Variants in UBE2V2 observed in about 807,000 individuals in gnomAD.
The protein encoded by UBE2V2 is ubiquitin-conjugating enzyme E2 variant 2.
Under a neutral mutation model 17.2 loss-of-function variants are expected in UBE2V2, and 9 were observed. The ratio of observed to expected loss-of-function variants is 0.52; its 90% CI spans 0.32 to 0.91. The LOEUF (loss-of-function observed/expected upper bound fraction) is 0.91. Among genes scored for constraint, UBE2V2 ranks in the 40% least tolerant of loss-of-function variants. The pLI, the probability that UBE2V2 is intolerant of heterozygous loss-of-function variation, is 0.04. For synonymous variants in UBE2V2, 61 were observed against 57.5 expected (o/e 1.06, Z -0.28); for missense variants, 133 against 182.6 (o/e 0.73, Z 1.56).
chr8:48,004,974 C>G (rs573440732), upstream of UBE2V2, among the ~76,000 whole-genome samples: 1 of 151,258 alleles, frequency 6.6e-6, no homozygotes, highest in Non-Finnish European at 1.5e-5. Context: ...GCTACAGGCA[C>G]GAACCAGAAT....
At chr8:48,046,397 C>T (rs1030697036) in intron 2 of UBE2V2, among the ~76,000 whole-genome samples, 3 of 152,056 alleles carry the variant, frequency 2.0e-5, no homozygotes, top group Admixed American at 1.3e-4. Context: ...GGATTACAGG[C>T]GTGAGCCACC....
At position 48,022,946 on chromosome 8, in the gene UBE2V2, A is replaced by T. The variant is rs111249615; in HGVS notation, c.16+14476A>T. On this transcript the variant is annotated intron_variant, in intron 1 of 3. Coordinates refer to ENST00000523111, the MANE Select transcript of UBE2V2 (RefSeq NM_003350.3). ...GAGCCCAGCCCCTGCGAGCGCTTTA[A>T]ATGTATCATCTCACTCTCCCCTGGC... 1.5e-3 allele frequency among the ~76,000 whole-genome samples: 231 copies of T among 151,604 alleles called. 1 individual carries two copies. The highest frequency in any genetic ancestry group is 2.8e-3 in the Non-Finnish European group (192 of 67,882).
chr8:48,035,385 T>A (rs2091415547), intron 1 of UBE2V2, among the ~76,000 whole-genome samples: 1 of 151,824 alleles, frequency 6.6e-6, no homozygotes, highest in Non-Finnish European at 1.5e-5. Context: ...CCTCCCAAAG[T>A]GCTGGGATTA....
In UBE2V2 at chr8:48,058,633, T is replaced by C. The variant is rs548972077; in HGVS notation, c.292-2049T>C. On this transcript the variant is annotated intron_variant, in intron 3 of 3. Coordinates refer to ENST00000523111, the MANE Select transcript of UBE2V2 (RefSeq NM_003350.3). ...GATGAGAATGGACATCCTTATCTTA[T>C]TCTTCATCTTAGGAGGAAAGTATTT... Among the ~76,000 whole-genome samples, 8 of 152,052 alleles carry C rather than the reference T, an allele frequency of 5.3e-5. No homozygotes were observed. The South Asian group carries it at 1.5e-3, about 28-fold the overall frequency.
chr8:48,006,171 A>T (rs961122233), upstream of UBE2V2, among the ~76,000 whole-genome samples: 6 of 152,178 alleles, frequency 3.9e-5, no homozygotes, highest in African/African-American at 1.4e-4. Flanking sequence ...TCTTTAATCC[A>T]TCTTGAGTTA....
At chr8:48,038,990 G>A (rs1358906470) in intron 1 of UBE2V2, among the ~76,000 whole-genome samples, 3 of 149,840 alleles carry the variant, frequency 2.0e-5, no homozygotes, top group South Asian at 2.1e-4. Flanking sequence ...GTGCAGTGGC[G>A]TGATCCCAGC....
chr8:48,026,415 T>A (rs1257351258), intron 1 of UBE2V2, among the ~76,000 whole-genome samples: 1 of 152,224 alleles, frequency 6.6e-6, no homozygotes, highest in Non-Finnish European at 1.5e-5. Context: ...AGCTGTTGTT[T>A]CAAGACAACT....
chr8:48,051,866 G>A (rs1175974492), intron 3 of UBE2V2, among the ~76,000 whole-genome samples: 3 of 152,130 alleles, frequency 2.0e-5, no homozygotes, highest in Non-Finnish European at 4.4e-5. Flanking sequence ...CCCTGCACCT[G>A]CTGGGCCATT....
chr8:48,053,672 C>T (rs540274906), intron 3 of UBE2V2, among the ~76,000 whole-genome samples: 9 of 151,800 alleles, frequency 5.9e-5, no homozygotes, highest in African/African-American at 9.7e-5. Flanking sequence ...ATGATCCGCC[C>T]GCCTCGGCCT....
In UBE2V2 at chr8:48,017,203, T is replaced by C. The variant is rs200041496; in HGVS notation, c.16+8733T>C. Among the ~76,000 whole-genome samples the C allele has an allele frequency of 2.6e-5, 4 of 152,304 alleles. No individual in the cohort carries two copies. In the East Asian group the frequency reaches 7.7e-4, roughly 29 times the overall value. On this transcript the variant is annotated intron_variant, in intron 1 of 3. Transcript: ENST00000523111. ...AGTGATGTTGAGAATTTTTTTCATA[T>C]ACCTCTTGGCCATTTGTATGTCTTT...
intron 3 of UBE2V2, among the ~76,000 whole-genome samples, chr8:48,051,178 G>C (rs2091534167): frequency 6.6e-6 from 1 of 152,144 alleles, no homozygotes; most frequent in Non-Finnish European, 1.5e-5. Flanking sequence ...GACATGCCCT[G>C]CTTGACCCAC....
intron 1 of UBE2V2, among the ~76,000 whole-genome samples, chr8:48,014,206 C>T (rs1433857672): frequency 6.6e-6 from 1 of 152,134 alleles, no homozygotes; most frequent in Non-Finnish European, 1.5e-5. Flanking sequence ...CCTCACTGTA[C>T]AGGCAGTCCT....
chr8:48,060,947 C>T lies in UBE2V2; in HGVS notation c.*119C>T. On this transcript the variant is annotated 3_prime_UTR_variant, in exon 4 of 4. Coordinates refer to ENST00000523111, the MANE Select transcript of UBE2V2 (RefSeq NM_003350.3). ...AAAGAATTCCAGCTGGTAAACATGA[C>T]CTGGACATTTGTAAGAATATATTTA... 1 of 940,564 alleles carries T rather than the reference C, an allele frequency of 1.1e-6. No homozygotes were observed. Among genetic ancestry groups the T allele is most frequent in the Non-Finnish European group, 1.4e-6 (1 of 697,874 alleles). 58.3% of individuals were successfully genotyped at this position (940,564 alleles called of 1,614,324 possible).
intron 1 of UBE2V2, chr8:48,042,560 G>T (rs1384562272): frequency 6.6e-6 from 1 of 151,064 alleles, no homozygotes; most frequent in African/African-American, 2.4e-5. Flanking sequence ...AGACAGGTTG[G>T]GTGGGACTGC....
At chr8:48,042,641 T>TCATTAGAGAG (rs2091471485) in intron 1 of UBE2V2, 1 of 152,818 alleles carries the variant, frequency 6.5e-6, no homozygotes, top group Non-Finnish European at 1.5e-5. Flanking sequence ...TCTTTGAAAA[T>TCATTAGAGAG]CATTAGAGAG....
At chr8:48,010,661 G>A (rs2154506603) in intron 1 of UBE2V2, among the ~76,000 whole-genome samples, 1 of 150,010 alleles carries the variant, frequency 6.7e-6, no homozygotes, top group South Asian at 2.1e-4. Flanking sequence ...CAAATTGCTG[G>A]GATTACAGGT....
intron 1 of UBE2V2, 122 bp downstream of exon 1, chr8:48,008,592 C>T (rs1254153146): frequency 1.3e-5 from 18 of 1,393,858 alleles, no homozygotes; most frequent in Middle Eastern, 2.1e-4. Flanking sequence ...TCGAATGCCG[C>T]GCTCTCCGCA....
At chr8:48,006,868 TTTTA>T (rs2091186440), upstream of UBE2V2, among the ~76,000 whole-genome samples, 1 of 151,916 alleles carries the variant, frequency 6.6e-6, no homozygotes, top group South Asian at 2.1e-4. Flanking sequence ...GAAGGATTCT[TTTTA>T]TTTTTTATTT....
At chr8:48,018,107 G>C (rs1421404381) in intron 1 of UBE2V2, among the ~76,000 whole-genome samples, 1 of 152,166 alleles carries the variant, frequency 6.6e-6, no homozygotes, top group Non-Finnish European at 1.5e-5. Context: ...AAAGTGCTGG[G>C]ATTACAGGTG....
Sources: allele counts gnomAD v4.1 joint callset (sites outside exome capture counted in the v4.1 genomes callset), GRCh38; gene constraint gnomAD v4.1.1; transcripts MANE v1.5; gene names NCBI Gene and HGNC (gene_info 2026-07-23, HGNC 2026-07-21).